Variants in PIEZO2 observed in about 807,000 individuals in gnomAD.
The protein encoded by PIEZO2 is piezo-type mechanosensitive ion channel component 2.
In PIEZO2, 172 loss-of-function variants were observed where a neutral mutation model predicts 337.3. The observed-to-expected ratio is 0.51, with a 90% CI of 0.45 to 0.58. The LOEUF is 0.58. Ranked by LOEUF, PIEZO2 falls within the 20% of genes least tolerant of loss-of-function variation. The pLI is 0.00. For missense variants in PIEZO2, 3,028 were observed against 3,391.3 expected (o/e 0.89, Z 2.66); for synonymous variants, 1,251 against 1,228.5 (o/e 1.02, Z -0.38).
Position 10,847,752 on chromosome 18 carries a change from A to AG in PIEZO2, c.917+7600dup, listed in dbSNP as rs1365183631. 6.6e-6 allele frequency among the ~76,000 whole-genome samples: 1 copy of AG among 152,242 alleles called. No homozygotes were observed. The highest frequency in any genetic ancestry group is 2.4e-5 in the African/African-American group (1 of 41,466). ...TAAATGAACTCTGAATGAGACCTGT[A>AG]GAATAAGTCACTTCATCATTAAGCA... is the stretch of plus-strand genomic sequence containing the variant. On this transcript the variant is annotated intron_variant, in intron 7 of 55. Transcript: ENST00000674853. This position sits in a 1 kb window ranked among gnomAD's most constrained non-coding sequence, Gnocchi z 5.7.
At chr18:11,147,846 A>G (rs1473154491) in intron 1 of PIEZO2, among the ~76,000 whole-genome samples, 1 of 152,226 alleles carries the variant, frequency 6.6e-6, no homozygotes, top group African/African-American at 2.4e-5. Flanking sequence ...GCCAGTCCCA[A>G]GGAGTTCCAA....
chr18:11,072,704 C>A (rs781775735), intron 1 of PIEZO2, among the ~76,000 whole-genome samples: 1 of 152,160 alleles, frequency 6.6e-6, no homozygotes, highest in Non-Finnish European at 1.5e-5. Context: ...AGCTATGTAG[C>A]CTGGCTGAGG....
intron 36 of PIEZO2, chr18:10,725,411 G>C: frequency 6.2e-7 from 1 of 1,604,418 alleles, no homozygotes; most frequent in Non-Finnish European, 8.5e-7. Flanking sequence ...CGGTCAACCT[G>C]ACCAGAGCCC....
rs575603811 is a variant in PIEZO2, at chr18:11,020,275, G to T, written c.161-40615C>A. ...CCTCAGCCCTTGTCTGTCTGATGGG[G>T]TCCATTAACATCTCAGAATCACTAT... On this transcript the variant is annotated intron_variant, in intron 2 of 55. Transcript: ENST00000674853. Among the ~76,000 whole-genome samples, 5 of 152,106 alleles carry T rather than the reference G, an allele frequency of 3.3e-5. No individual in the cohort carries two copies. The South Asian group carries it at 1.0e-3, about 32-fold the overall frequency.
rs188905915 is a variant in PIEZO2, at chr18:10,689,409, C to T, written c.7497+246G>A. Among the ~76,000 whole-genome samples the T allele has an allele frequency of 1.4e-3, 215 of 152,196 alleles. 4 individuals are homozygous for T. Among genetic ancestry groups the T allele is most frequent in the Non-Finnish European group, 3.7e-4 (25 of 68,020 alleles). ...TGTTGGGATATAGCAAGCAATATAC[C>T]GTTTTTTAAAAATAACTACAATATG... On this transcript the variant is annotated intron_variant, in intron 49 of 55. Transcript: ENST00000674853.
At chr18:10,917,397 A>G (rs1014314871) in intron 3 of PIEZO2, among the ~76,000 whole-genome samples, 4 of 152,128 alleles carry the variant, frequency 2.6e-5, no homozygotes, top group African/African-American at 9.7e-5. Flanking sequence ...TTATATTTTC[A>G]TGAACATCAT....
chr18:10,911,612 G>A (rs1190842633), intron 3 of PIEZO2, among the ~76,000 whole-genome samples: 4 of 152,052 alleles, frequency 2.6e-5, no homozygotes, highest in Admixed American at 1.3e-4. Context: ...AAAATTAGCC[G>A]GGCATGGTGG....
chr18:10,704,548 G>T lies in PIEZO2; in HGVS notation c.6104C>A (p.Ser2035Ter). Reference protein sequence around the residue: ...YAMYNTLVARSEMVCYFVIIL... With the variant: ...YAMYNTLVAR ...GATCACGAAGTAGCACACCATCTCC[G>T]AGCGGGCCACCAGGGTATTGTACAT... Residue 2035 changes from serine (S) to a stop codon, truncating the protein, a stop_gained, in exon 42 of 56, where the codon TCG becomes TAG. Transcript: ENST00000674853. LOFTEE classifies it high-confidence loss of function. 6.5e-7 allele frequency: 1 copy of T among 1,537,258 alleles called. No individual in the cohort carries two copies. Among genetic ancestry groups the T allele is most frequent in the Non-Finnish European group, 8.7e-7 (1 of 1,146,920 alleles).
Position 10,705,328 on chromosome 18 carries a change from AC to A in PIEZO2, c.5999+7del. The A allele has an allele frequency of 7.2e-6, 11 of 1,526,734 alleles. No homozygotes were observed. The highest frequency in any genetic ancestry group is 9.6e-6 in the Non-Finnish European group (11 of 1,141,292). The allele number at this position is 1,526,734 out of a possible 1,614,324, so 94.6% of individuals were successfully genotyped here. On this transcript the variant is annotated splice_region_variant and intron_variant, in intron 41 of 55. Transcript: ENST00000674853. ...GATATGTGTCTGATCTGTTCACTGG[AC>A]CCTTACTTTTTCAGCAGCAGCTCGC...
chr18:10,742,536 C>G lies in PIEZO2; in HGVS notation c.4594G>C (p.Glu1532Gln). The change falls in exon 32 of 56, where the codon GAA becomes CAA. Residue 1532 changes from glutamate to glutamine, a missense_variant. Physicochemically the swap from Glu to Gln is conservative, Grantham distance 29 (BLOSUM62 2). This residue lies in a region of PIEZO2 where 1,925 missense variants were observed against 2,051.9 expected (regional missense o/e 0.94). Transcript: ENST00000674853. ...RMLSLTQEPG[E>Q]GQDMQKLSEE... ...GAGAGTTTTTGCATGTCCTGGCCTT[C>G]CCCTGGCTCCTGGGTCAAGCTCAGC... 1 of 1,537,204 alleles carries G rather than the reference C, an allele frequency of 6.5e-7. No homozygotes were observed. The highest frequency in any genetic ancestry group is 1.4e-5 in the African/African-American group (1 of 73,158).
intron 2 of PIEZO2, among the ~76,000 whole-genome samples, chr18:11,064,237 C>T (rs1041761393): frequency 1.3e-5 from 2 of 152,110 alleles, no homozygotes; most frequent in Non-Finnish European, 2.9e-5. Context: ...TGGAGCCCCT[C>T]TGCAACTATA....
At position 11,001,224 on chromosome 18, in the gene PIEZO2, G is replaced by C. The variant is rs375978476; in HGVS notation, c.161-21564C>G. 1.3e-5 allele frequency among the ~76,000 whole-genome samples: 2 copies of C among 152,146 alleles called. No individual in the cohort carries two copies. The highest frequency in any genetic ancestry group is 4.8e-5 in the African/African-American group (2 of 41,434). On this transcript the variant is annotated intron_variant, in intron 2 of 55. Transcript: ENST00000674853. This position sits in a 1 kb window ranked among gnomAD's most constrained non-coding sequence, Gnocchi z 5.3. ...GAAGGCAGGGCTGCCGCTAGCATAT[G>C]GTCTCCAGCTCAGAAGGTACTTTAT...
At chr18:11,056,109 G>T (rs1240729017) in intron 2 of PIEZO2, among the ~76,000 whole-genome samples, 1 of 152,210 alleles carries the variant, frequency 6.6e-6, no homozygotes, top group East Asian at 1.9e-4. Flanking sequence ...TGCTCTTGCA[G>T]TGGGGGCCTC....
At chr18:11,015,348 T>C (rs938666308) in intron 2 of PIEZO2, among the ~76,000 whole-genome samples, 8 of 152,190 alleles carry the variant, frequency 5.3e-5, no homozygotes, top group Non-Finnish European at 1.0e-4. Flanking sequence ...CATGCCACCC[T>C]GGCTGGCTCT....
chr18:11,019,406 G>A (rs940867299), intron 2 of PIEZO2, among the ~76,000 whole-genome samples: 5 of 152,104 alleles, frequency 3.3e-5, no homozygotes, highest in African/African-American at 1.2e-4. Flanking sequence ...ATTCACACTG[G>A]CATCCTTTTG....
rs113123136 is a variant in PIEZO2, at chr18:11,053,853, TA to T, written c.160+12273del. Among the ~76,000 whole-genome samples the T allele has an allele frequency of 6.1e-3, 882 of 145,594 alleles. 21 individuals are homozygous for T. Among genetic ancestry groups the T allele is most frequent in the East Asian group, 0.049 (246 of 5,006 alleles). On this transcript the variant is annotated intron_variant, in intron 2 of 55. Transcript: ENST00000674853. ...CAACGTGGTAAAACCCCGTCTCTAC[TA>T]AAAAAAAAAAATTGTAAAAATTAGC...
At chr18:11,014,490 C>A (rs1598829221) in intron 2 of PIEZO2, among the ~76,000 whole-genome samples, 2 of 147,148 alleles carry the variant, frequency 1.4e-5, no homozygotes, top group African/African-American at 2.5e-5. Flanking sequence ...GATCCAGGGC[C>A]CCCCTCATTC....
intron 3 of PIEZO2, among the ~76,000 whole-genome samples, chr18:10,939,388 A>C (rs1282499691): frequency 2.7e-5 from 4 of 145,686 alleles, no homozygotes; most frequent in Non-Finnish European, 6.1e-5. Flanking sequence ...AACCAGAAAT[A>C]CCATTTGACC....
chr18:10,743,719 A>G (rs1211078222), intron 31 of PIEZO2, among the ~76,000 whole-genome samples: 1 of 152,234 alleles, frequency 6.6e-6, no homozygotes, highest in African/African-American at 2.4e-5. Context: ...ATGAATGCTT[A>G]TATCAAGTAC....
Sources: allele counts gnomAD v4.1 joint callset (sites outside exome capture counted in the v4.1 genomes callset), GRCh38; gene constraint gnomAD v4.1.1; regional missense constraint gnomAD v4.1.1; non-coding constraint Gnocchi (gnomAD v3.1); transcripts MANE v1.5; gene names NCBI Gene and HGNC (gene_info 2026-07-23, HGNC 2026-07-21).